Variants in VWA8 observed in about 807,000 individuals in gnomAD.
VWA8 encodes von Willebrand factor A domain containing 8, also known as von Willebrand factor A domain-containing protein 8.
In VWA8, 221 loss-of-function variants were observed where a neutral mutation model predicts 241.5. The ratio of observed to expected loss-of-function variants is 0.91; its 90% CI spans 0.82 to 1.02. The LOEUF is 1.02. Ranked by LOEUF, VWA8 falls within the 50% of genes least tolerant of loss-of-function variation. The pLI, the probability that VWA8 is intolerant of heterozygous loss-of-function variation, is 0.00. For synonymous variants in VWA8, 852 were observed against 827.1 expected, an observed-to-expected ratio of 1.03 and a Z score of -0.52; for missense variants, 2,322 against 2,328.7, an observed-to-expected ratio of 1.00 and a Z score of 0.06.
chr13:41,626,479 G>T (rs2044692429), intron 37 of VWA8, among the ~76,000 whole-genome samples: 1 of 152,052 alleles, frequency 6.6e-6, no homozygotes, highest in Non-Finnish European at 1.5e-5. Context: ...TAAGCAAAAA[G>T]AACAAACCCA....
chr13:41,897,366 G>T lies in VWA8; in HGVS notation c.484-5779C>A, dbSNP rs551855925. 4.3e-4 allele frequency among the ~76,000 whole-genome samples: 65 copies of T among 152,254 alleles called. 1 individual carries two copies. In the South Asian group the frequency reaches 0.012, roughly 28 times the overall value. On this transcript the variant is annotated intron_variant, in intron 4 of 44. Transcript: ENST00000379310. ...AACCACAATGAGACCTCTCACTCCA[G>T]TTAGAATGGCCACTGTGAAAAAGAG...
chr13:41,719,879 T>A, intron 25 of VWA8, 137 bp from the exon 26 acceptor site: 1 of 788,516 alleles, frequency 1.3e-6, no homozygotes, highest in Non-Finnish European at 1.9e-6. Context: ...AAGCAGGTAG[T>A]AGGAATGTAG....
rs188922820 is a variant in VWA8 at position 41,695,431 on chromosome 13, T to C, written c.3565-2459A>G. Among the ~76,000 whole-genome samples the C allele has an allele frequency of 6.9e-4, 105 of 152,310 alleles. 1 individual carries two copies. Among genetic ancestry groups the C allele is most frequent in the African/African-American group, 2.5e-3 (102 of 41,558 alleles). ...AGCCGAATTCATGGAAGTACTTCTC[T>C]ATAATATTTTGCTTCATTTTCAGTT... On this transcript the variant is annotated intron_variant, in intron 29 of 44. Transcript: ENST00000379310.
chr13:41,793,369 T>C (rs900444721), intron 17 of VWA8, among the ~76,000 whole-genome samples: 2 of 152,072 alleles, frequency 1.3e-5, no homozygotes, highest in Admixed American at 1.3e-4. Flanking sequence ...TACCTACATT[T>C]GAGATAAATA....
chr13:41,626,737 T>A (rs2044694384), intron 37 of VWA8, among the ~76,000 whole-genome samples: 1 of 152,078 alleles, frequency 6.6e-6, no homozygotes, highest in South Asian at 2.1e-4. Context: ...TGAAACTGGA[T>A]CCCTACCTTT....
intron 16 of VWA8, among the ~76,000 whole-genome samples, chr13:41,812,531 G>C (rs567188940): frequency 1.9e-4 from 29 of 152,234 alleles, no homozygotes; most frequent in African/African-American, 6.7e-4. Flanking sequence ...GTTCAGAATG[G>C]ATGAGGGGAG....
chr13:41,838,933 T>C (rs1593807105), intron 12 of VWA8, among the ~76,000 whole-genome samples: 1 of 152,246 alleles, frequency 6.6e-6, no homozygotes, highest in South Asian at 2.1e-4. Context: ...TCTTTGCTAT[T>C]GTGAATAGTG....
chr13:41,603,859 C>G (rs1215482628), intron 40 of VWA8, among the ~76,000 whole-genome samples: 1 of 152,164 alleles, frequency 6.6e-6, no homozygotes, highest in Non-Finnish European at 1.5e-5. Flanking sequence ...AGAGTAAATT[C>G]AAACATTACA....
intron 35 of VWA8, among the ~76,000 whole-genome samples, chr13:41,676,918 C>A (rs960513631): frequency 6.6e-6 from 1 of 152,030 alleles, no homozygotes; most frequent in Non-Finnish European, 1.5e-5. Flanking sequence ...CAGGTGTGAG[C>A]CACCACCCCC....
Position 41,858,593 on chromosome 13 carries a change from G to A in VWA8, c.1425+7143C>T, listed in dbSNP as rs79171958. ...TGCACTTCAGCCTGGGCAACAGAGT[G>A]AGAGTGAGACTTCATCTCAAAAAAA... is the stretch of plus-strand genomic sequence containing the variant. On this transcript the variant is annotated intron_variant, in intron 12 of 44. Coordinates refer to ENST00000379310, the MANE Select transcript of VWA8 (RefSeq NM_015058.2). Among the ~76,000 whole-genome samples the A allele has an allele frequency of 2.4e-4, 36 of 151,600 alleles. No individual in the cohort carries two copies. In the East Asian group the frequency reaches 3.1e-3, roughly 13 times the overall value.
At chr13:41,770,201 A>G (rs2045808983) in intron 20 of VWA8, among the ~76,000 whole-genome samples, 1 of 151,810 alleles carries the variant, frequency 6.6e-6, no homozygotes, top group Non-Finnish European at 1.5e-5. Flanking sequence ...TAATCCCAGT[A>G]CTTTGGGAGG....
chr13:41,881,688 GC>G, intron 9 of VWA8, among the ~76,000 whole-genome samples: 1 of 148,308 alleles, frequency 6.7e-6, no homozygotes, highest in Non-Finnish European at 1.5e-5. Flanking sequence ...GGGCAGAGGC[GC>G]CCCTCACCTC....
chr13:41,880,537 C>T (rs1001411392), intron 9 of VWA8, among the ~76,000 whole-genome samples: 3 of 152,164 alleles, frequency 2.0e-5, no homozygotes, highest in African/African-American at 7.2e-5. Flanking sequence ...TCTAATGGTC[C>T]AGGATTTAAT....
chr13:41,719,806 T>A, intron 25 of VWA8, 64 bp from the exon 26 acceptor site: 1 of 1,451,024 alleles, frequency 6.9e-7, no homozygotes. Context: ...TAAAGATTTA[T>A]GAAATGGATA....
At chr13:41,587,745 A>C (rs190878869) in intron 41 of VWA8, 75 bp from the exon 42 acceptor site, 13 of 1,570,306 alleles carry the variant, frequency 8.3e-6, no homozygotes, top group Non-Finnish European at 1.0e-5. Context: ...GGGATCTCAC[A>C]GAAGCTCCAG....
chr13:41,676,843 G>C (rs1288247416), intron 35 of VWA8, among the ~76,000 whole-genome samples: 5 of 152,048 alleles, frequency 3.3e-5, no homozygotes, highest in African/African-American at 1.2e-4. Flanking sequence ...ATGTTGGCCA[G>C]GCTGGTCTTG....
intron 29 of VWA8, 32 bp from the exon 30 acceptor site, chr13:41,693,004 G>T (rs763427994): frequency 1.9e-5 from 23 of 1,210,008 alleles, no homozygotes; most frequent in Middle Eastern, 2.4e-4. Context: ...AAAAGCTCAA[G>T]ATTTGTTCTT....
chr13:41,725,174 G>T (rs2045422708), intron 24 of VWA8, among the ~76,000 whole-genome samples: 1 of 150,738 alleles, frequency 6.6e-6, no homozygotes, highest in African/African-American at 2.4e-5. Flanking sequence ...AAATGTGAAA[G>T]ATCATGGAAT....
intron 42 of VWA8, among the ~76,000 whole-genome samples, chr13:41,583,993 T>A (rs2139642696): frequency 1.3e-5 from 2 of 152,254 alleles, no homozygotes; most frequent in East Asian, 3.9e-4. Flanking sequence ...TAATGAAGTA[T>A]TTAGAGGTAA....
Sources: allele counts gnomAD v4.1 joint callset (sites outside exome capture counted in the v4.1 genomes callset), GRCh38; gene constraint gnomAD v4.1.1; transcripts MANE v1.5; gene names NCBI Gene and HGNC (gene_info 2026-07-23, HGNC 2026-07-21).